MAGI2: variants seen among roughly 807,000 people sequenced by gnomAD.
MAGI2 encodes the protein membrane-associated guanylate kinase, WW and PDZ domain-containing protein 2.
A neutral mutation model predicts 133.3 loss-of-function variants in MAGI2; 35 were observed. The observed-to-expected ratio is 0.26, with a 90% CI of 0.20 to 0.35. The LOEUF is 0.35. MAGI2 is among the 10% of genes least tolerant of loss of function. The pLI, the probability that MAGI2 is intolerant of heterozygous loss-of-function variation, is 1.00. For synonymous variants in MAGI2, 729 were observed against 710.6 expected, an observed-to-expected ratio of 1.03 and a Z score of -0.41; for missense variants, 1,636 against 1,863.4, an observed-to-expected ratio of 0.88 and a Z score of 2.25.
intron 2 of MAGI2, among the ~76,000 whole-genome samples, chr7:78,724,200 T>C (rs1248092734): frequency 6.6e-6 from 1 of 152,100 alleles, no homozygotes; most frequent in East Asian, 1.9e-4. Flanking sequence ...TAGTAACATG[T>C]AGGAAGAGAG....
chr7:78,746,158 A>G (rs904259023), intron 2 of MAGI2, among the ~76,000 whole-genome samples: 1 of 152,180 alleles, frequency 6.6e-6, no homozygotes, highest in Non-Finnish European at 1.5e-5. Context: ...TGCTAAAAAT[A>G]TTGCATGCCT....
chr7:78,584,536 T>A (rs1479718436), intron 3 of MAGI2, among the ~76,000 whole-genome samples: 1 of 151,612 alleles, frequency 6.6e-6, no homozygotes, highest in East Asian at 1.9e-4. Context: ...GATGAAGGTG[T>A]TAAAAGCTTT....
At chr7:78,369,973 CA>C (rs917831009) in intron 6 of MAGI2, among the ~76,000 whole-genome samples, 3 of 151,902 alleles carry the variant, frequency 2.0e-5, no homozygotes, top group Non-Finnish European at 2.9e-5. Flanking sequence ...TTAACTCCTA[CA>C]AATATGAAGA....
chr7:78,756,930 C>T (rs181949044), intron 2 of MAGI2, among the ~76,000 whole-genome samples: 25 of 152,244 alleles, frequency 1.6e-4, no homozygotes, highest in Non-Finnish European at 3.5e-4. Context: ...AGAAAAATGA[C>T]CACTGATTTC....
intron 21 of MAGI2, among the ~76,000 whole-genome samples, chr7:78,042,685 C>T (rs560262047): frequency 6.6e-6 from 1 of 152,336 alleles, no homozygotes; most frequent in South Asian, 2.1e-4. Flanking sequence ...GTGCCAGGCA[C>T]ATTGTTAATA....
At chr7:78,946,280 C>G (rs1344262412) in intron 2 of MAGI2, among the ~76,000 whole-genome samples, 1 of 152,102 alleles carries the variant, frequency 6.6e-6, no homozygotes, top group African/African-American at 2.4e-5. Flanking sequence ...AAATATACTT[C>G]TTTCTTCCTA....
chr7:78,471,079 A>G (rs1791152889), intron 6 of MAGI2, among the ~76,000 whole-genome samples: 3 of 152,144 alleles, frequency 2.0e-5, no homozygotes, highest in Admixed American at 2.0e-4. Flanking sequence ...AGTAAGCTAG[A>G]GTGCCAATTA....
chr7:79,453,051 C>T lies in MAGI2; in HGVS notation c.270G>A (p.Lys90=), dbSNP rs1849403563. 2 of 1,608,138 alleles carry T rather than the reference C, an allele frequency of 1.2e-6. No individual in the cohort carries two copies. The highest frequency in any genetic ancestry group is 1.7e-6 in the Non-Finnish European group (2 of 1,177,198). ...RDVLAVIKHC[K]DPLRLKCVKQ... is the part of the protein sequence containing the mutation. ...TGACACACTTGAGCCGGAGGGGGTC[C>T]TTGCAGTGTTTGATCACGGCCAGCA... The change falls in exon 1 of 22, where the codon AAG becomes AAA. Residue 90 remains lysine (K), a synonymous_variant. Coordinates refer to ENST00000354212, the MANE Select transcript of MAGI2 (RefSeq NM_012301.4).
At chr7:79,083,303 A>T (rs1026681177) in intron 1 of MAGI2, among the ~76,000 whole-genome samples, 1 of 142,224 alleles carries the variant, frequency 7.0e-6, no homozygotes, top group Non-Finnish European at 1.5e-5. Context: ...GTATGATGTT[A>T]TTTTTTTTTT....
chr7:79,384,080 A>G (rs547026572), intron 1 of MAGI2, among the ~76,000 whole-genome samples: 5 of 150,720 alleles, frequency 3.3e-5, no homozygotes, highest in East Asian at 3.9e-4. Context: ...CATTTAAAAG[A>G]GAAACCCAAT....
intron 1 of MAGI2, among the ~76,000 whole-genome samples, chr7:79,313,518 T>C (rs1356100453): frequency 2.0e-5 from 3 of 152,110 alleles, no homozygotes; most frequent in Non-Finnish European, 4.4e-5. Context: ...TCTCCAACTA[T>C]ACATGATACA....
chr7:78,581,421 C>T (rs1180659848), intron 3 of MAGI2, among the ~76,000 whole-genome samples: 2 of 152,150 alleles, frequency 1.3e-5, no homozygotes, highest in African/African-American at 2.4e-5. Context: ...TAGTTTAATA[C>T]CACCAGGGTG....
chr7:78,713,420 C>T (rs959954948), intron 2 of MAGI2, among the ~76,000 whole-genome samples: 4 of 152,162 alleles, frequency 2.6e-5, no homozygotes, highest in East Asian at 1.9e-4. Context: ...AAACATGTGG[C>T]GTAAGATGGC....
At chr7:78,933,456 A>G (rs1056647864) in intron 2 of MAGI2, among the ~76,000 whole-genome samples, 5 of 152,146 alleles carry the variant, frequency 3.3e-5, no homozygotes, top group African/African-American at 1.2e-4. Context: ...ACAGTTGTGT[A>G]TGCTTGGCAC....
chr7:79,236,724 A>G (rs915295149), intron 1 of MAGI2, among the ~76,000 whole-genome samples: 1 of 152,234 alleles, frequency 6.6e-6, no homozygotes, highest in Non-Finnish European at 1.5e-5. Flanking sequence ...TTTTAATATC[A>G]TTGATTTTTA....
At chr7:78,140,423 A>C (rs3807705) in intron 16 of MAGI2, among the ~76,000 whole-genome samples, 133,343 of 152,270 alleles carry the variant, frequency 0.88, 58,639 homozygotes, top group African/African-American at 0.94. Flanking sequence ...AAGTATTAAA[A>C]AGGCAAAGTG....
At chr7:78,337,926 A>ATCCATCC (rs71085526) in intron 9 of MAGI2, among the ~76,000 whole-genome samples, 1 of 151,838 alleles carries the variant, frequency 6.6e-6, no homozygotes, top group Non-Finnish European at 1.5e-5. Context: ...CCATCCATCC[A>ATCCATCC]AGAAGTACTT....
chr7:78,039,096 T>C lies in MAGI2; in HGVS notation c.3707-19120A>G, dbSNP rs537487068. Reference sequence around the variant, plus strand: ...TAAAGAACATCTTAGAGCCTGTTTATCCAGGTAACACATTCCTGAGATTTG... The same window carrying C: ...TAAAGAACATCTTAGAGCCTGTTTACCCAGGTAACACATTCCTGAGATTTG... On this transcript the variant is annotated intron_variant, in intron 21 of 21. Coordinates refer to ENST00000354212, the MANE Select transcript of MAGI2 (RefSeq NM_012301.4). Among the ~76,000 whole-genome samples the C allele has an allele frequency of 8.5e-5, 13 of 152,318 alleles. No homozygotes were observed. The South Asian group carries it at 2.7e-3, about 32-fold the overall frequency.
At chr7:79,309,499 G>A (rs1838076938) in intron 1 of MAGI2, among the ~76,000 whole-genome samples, 1 of 151,628 alleles carries the variant, frequency 6.6e-6, no homozygotes, top group South Asian at 2.1e-4. Flanking sequence ...TAAAGACTCA[G>A]CATACATACT....
Sources: gnomAD v4.1 joint callset for allele counts (sites outside exome capture counted in the v4.1 genomes callset) on GRCh38, gnomAD v4.1.1 for gene constraint, MANE v1.5 for transcripts, NCBI Gene and HGNC (gene_info 2026-07-23, HGNC 2026-07-21) for gene names.